PPP1R9A: variants seen among roughly 807,000 people sequenced by gnomAD.
The protein encoded by PPP1R9A is protein phosphatase 1 regulatory subunit 9A.
In PPP1R9A, 59 loss-of-function variants were observed where a neutral mutation model predicts 141.9. The observed-to-expected ratio is 0.42, with a 90% CI of 0.34 to 0.52. The LOEUF is 0.52. Among genes scored for constraint, PPP1R9A ranks in the 20% least tolerant of loss-of-function variants. The probability of loss-of-function intolerance (pLI) is 0.10; values close to 1 mark genes in which losing one functional copy is unlikely to be tolerated. For synonymous variants in PPP1R9A, 500 were observed against 569.7 expected (o/e 0.88, Z 1.74); for missense variants, 1,444 against 1,611.9 (o/e 0.90, Z 1.78).
At chr7:95,060,513 T>C (rs1008079960) in intron 2 of PPP1R9A, among the ~76,000 whole-genome samples, 20 of 152,084 alleles carry the variant, frequency 1.3e-4, no homozygotes, top group African/African-American at 3.9e-4. Context: ...AATAAGAGGG[T>C]CTTTTATGAG....
intron 2 of PPP1R9A, among the ~76,000 whole-genome samples, chr7:95,077,976 GT>G (rs371101650): frequency 1.2e-3 from 167 of 139,590 alleles, no homozygotes; most frequent in East Asian, 5.2e-3. Flanking sequence ...CTTCTACTCT[GT>G]TTTTTTTTTT....
chr7:95,239,371 A>G (rs1384763134), intron 8 of PPP1R9A, among the ~76,000 whole-genome samples: 1 of 152,134 alleles, frequency 6.6e-6, no homozygotes, highest in Non-Finnish European at 1.5e-5. Context: ...GTGTGTACCT[A>G]TTTTTAACAT....
intron 2 of PPP1R9A, among the ~76,000 whole-genome samples, chr7:95,063,176 A>T (rs1812475463): frequency 6.6e-6 from 1 of 152,208 alleles, no homozygotes; most frequent in African/African-American, 2.4e-5. Context: ...GAGTATTTTG[A>T]TGGAAGAGAA....
intron 2 of PPP1R9A, among the ~76,000 whole-genome samples, chr7:95,006,899 G>A (rs1406093820): frequency 2.0e-5 from 3 of 149,846 alleles, no homozygotes; most frequent in Non-Finnish European, 4.4e-5. Flanking sequence ...TTTCGCGCTT[G>A]TTGCCCAGGC....
chr7:94,913,886 T>C (rs1791748589), intron 2 of PPP1R9A, among the ~76,000 whole-genome samples: 1 of 152,190 alleles, frequency 6.6e-6, no homozygotes, highest in African/African-American at 2.4e-5. Context: ...AAACACATTG[T>C]ATTTAAAATC....
intron 5 of PPP1R9A, among the ~76,000 whole-genome samples, chr7:95,196,437 A>G (rs1563397272): frequency 6.6e-6 from 1 of 152,326 alleles, no homozygotes; most frequent in South Asian, 2.1e-4. Context: ...AGTTAATTAT[A>G]CATTTACCAT....
At chr7:95,159,463 G>A (rs541723357) in intron 4 of PPP1R9A, among the ~76,000 whole-genome samples, 72 of 152,104 alleles carry the variant, frequency 4.7e-4, no homozygotes, top group East Asian at 1.5e-3. Flanking sequence ...TGTGCAGAAC[G>A]TACAGGTTTG....
At position 95,205,443 on chromosome 7, in the gene PPP1R9A, A is replaced by G. The variant is rs140931924; in HGVS notation, c.1956+1713A>G. On this transcript the variant is annotated intron_variant, in intron 7 of 19. Transcript: ENST00000433360. ...TGAAACACAGAGTTTGCAGTGTTAA[A>G]GAGATGTCATAGAAACTACCACAAA... 7.7e-3 allele frequency among the ~76,000 whole-genome samples: 1,168 copies of G among 152,342 alleles called. 28 individuals are homozygous for G. The highest frequency in any genetic ancestry group is 0.041 in the Admixed American group (622 of 15,298).
intron 2 of PPP1R9A, among the ~76,000 whole-genome samples, chr7:94,995,064 A>G (rs937572545): frequency 2.0e-5 from 3 of 152,070 alleles, no homozygotes; most frequent in Admixed American, 1.3e-4. Flanking sequence ...GTATCTGAAA[A>G]AAAGTATTTT....
chr7:95,203,206 G>A (rs564412752), intron 6 of PPP1R9A, among the ~76,000 whole-genome samples: 2 of 152,048 alleles, frequency 1.3e-5, no homozygotes, highest in South Asian at 4.2e-4. Context: ...GTTTAGAGTA[G>A]CTGCCCTCAT....
chr7:95,164,464 T>C (rs2152723741), intron 5 of PPP1R9A, among the ~76,000 whole-genome samples: 1 of 152,234 alleles, frequency 6.6e-6, no homozygotes, highest in South Asian at 2.1e-4. Flanking sequence ...ACTAGATCTG[T>C]GTTTGTTTAT....
chr7:95,045,213 A>G (rs926183485), intron 2 of PPP1R9A, among the ~76,000 whole-genome samples: 1 of 152,216 alleles, frequency 6.6e-6, no homozygotes, highest in Admixed American at 6.5e-5. Context: ...CAGTGGAAAA[A>G]GAGACCAAGG....
chr7:95,012,666 A>G (rs572688183), intron 2 of PPP1R9A, among the ~76,000 whole-genome samples: 1 of 152,328 alleles, frequency 6.6e-6, no homozygotes, highest in African/African-American at 2.4e-5. Flanking sequence ...TGAGAAGTCT[A>G]GAGAAGGACT....
At chr7:95,261,088 G>A (rs1415530200) in intron 12 of PPP1R9A, among the ~76,000 whole-genome samples, 1 of 152,166 alleles carries the variant, frequency 6.6e-6, no homozygotes, top group African/African-American at 2.4e-5. Context: ...CTAAAAGTAT[G>A]AAGGAGAAGA....
intron 5 of PPP1R9A, among the ~76,000 whole-genome samples, chr7:95,184,022 A>C (rs1834270733): frequency 2.0e-5 from 3 of 152,124 alleles, no homozygotes; most frequent in Admixed American, 1.3e-4. Flanking sequence ...TCTAGCTCTC[A>C]ATATAGAAAG....
chr7:95,191,842 A>G (rs1284022451), intron 5 of PPP1R9A, among the ~76,000 whole-genome samples: 3 of 152,072 alleles, frequency 2.0e-5, no homozygotes, highest in Non-Finnish European at 2.9e-5. Context: ...GTGACAAGAG[A>G]AAATATTATT....
At chr7:95,283,874 T>C (rs976866342) in intron 16 of PPP1R9A, 144 bp from the exon 17 acceptor site, 11 of 633,482 alleles carry the variant, frequency 1.7e-5, no homozygotes, top group African/African-American at 3.7e-5. Context: ...ATTAGTGTTG[T>C]AGTCAAAAGT....
chr7:95,191,363 T>C (rs1835470472), intron 5 of PPP1R9A, among the ~76,000 whole-genome samples: 1 of 152,214 alleles, frequency 6.6e-6, no homozygotes, highest in Non-Finnish European at 1.5e-5. Context: ...AATGATTGCA[T>C]ATATTGAAGT....
At chr7:95,266,327 T>A (rs1801278204) in intron 12 of PPP1R9A, among the ~76,000 whole-genome samples, 1 of 129,984 alleles carries the variant, frequency 7.7e-6, no homozygotes, top group African/African-American at 2.5e-5. Flanking sequence ...CAACATGTCA[T>A]CCTTTTTTTT....
Sources: allele counts gnomAD v4.1 joint callset (sites outside exome capture counted in the v4.1 genomes callset), GRCh38; gene constraint gnomAD v4.1.1; transcripts MANE v1.5; gene names NCBI Gene and HGNC (gene_info 2026-07-23, HGNC 2026-07-21).